Variants in DLG5 observed in about 807,000 individuals in gnomAD.
DLG5 encodes the protein disks large homolog 5.
Under a neutral mutation model 189.8 loss-of-function variants are expected in DLG5, and 48 were observed. The ratio of observed to expected loss-of-function variants is 0.25; its 90% CI spans 0.20 to 0.32. The LOEUF is 0.32. Ranked by LOEUF, DLG5 falls within the 10% of genes least tolerant of loss-of-function variation. The pLI is 1.00. For synonymous variants in DLG5, 1,016 were observed against 1,054.1 expected, an observed-to-expected ratio of 0.96 and a Z score of 0.70; for missense variants, 2,160 against 2,544.7, an observed-to-expected ratio of 0.85 and a Z score of 3.25.
chr10:77,869,321 A>C, intron 1 of DLG5, 124 bp from the exon 2 acceptor site: 3 of 891,062 alleles, frequency 3.4e-6, no homozygotes, highest in Non-Finnish European at 5.3e-6. Context: ...AGAAATCCAC[A>C]TCCACGGGCC....
chr10:77,813,408 T>C (rs1841882705), intron 20 of DLG5, among the ~76,000 whole-genome samples: 1 of 152,044 alleles, frequency 6.6e-6, no homozygotes, highest in Non-Finnish European at 1.5e-5. Context: ...CCCAGCCCTC[T>C]TGGGAAGGGG....
intron 5 of DLG5, among the ~76,000 whole-genome samples, chr10:77,847,886 T>G (rs1370274697): frequency 6.6e-6 from 1 of 152,138 alleles, no homozygotes; most frequent in African/African-American, 2.4e-5. Context: ...TTTTATTTTT[T>G]GTAGAGATGG....
chr10:77,831,637 A>T (rs1204716427), intron 9 of DLG5, among the ~76,000 whole-genome samples: 1 of 152,180 alleles, frequency 6.6e-6, no homozygotes, highest in Non-Finnish European at 1.5e-5. Flanking sequence ...GAACAGAATA[A>T]GGAACCTAGG....
At chr10:77,930,612 G>T (rs1846777891), upstream of DLG5, among the ~76,000 whole-genome samples, 1 of 151,140 alleles carries the variant, frequency 6.6e-6, no homozygotes, top group Non-Finnish European at 1.5e-5. Context: ...GCCTCCCAAA[G>T]TGCTGGGATT....
At chr10:77,915,960 T>G (rs1052538903) in intron 1 of DLG5, among the ~76,000 whole-genome samples, 9 of 152,170 alleles carry the variant, frequency 5.9e-5, no homozygotes, top group Non-Finnish European at 1.2e-4. Context: ...AAGAGTCACA[T>G]GTAGGACAGG....
Position 77,796,001 on chromosome 10 carries a change from G to C in DLG5, c.5436+60C>G, listed in dbSNP as rs1471644184. 1.9e-6 allele frequency: 3 copies of C among 1,611,964 alleles called. No individual in the cohort carries two copies. The East Asian group carries it at 6.7e-5, about 36-fold the overall frequency. On this transcript the variant is annotated intron_variant, in intron 29 of 31. Transcript: ENST00000372391. This position sits in a 1 kb window ranked among gnomAD's most constrained non-coding sequence, Gnocchi z 5.2. ...CAGAGGATCACGGACCAGGGGCCTA[G>C]ACCTGTGCACAGGAGGTCTAATACT...
At chr10:77,887,178 C>T (rs922273066) in intron 1 of DLG5, among the ~76,000 whole-genome samples, 1 of 152,182 alleles carries the variant, frequency 6.6e-6, no homozygotes, top group Non-Finnish European at 1.5e-5. Context: ...CCCCATTTTA[C>T]AGACAAGAAC....
Position 77,821,803 on chromosome 10 carries a change from G to T in DLG5, c.2681C>A (p.Ser894Tyr). The T allele has an allele frequency of 6.2e-7, 1 of 1,612,638 alleles. No homozygotes were observed. Among genetic ancestry groups the T allele is most frequent in the Non-Finnish European group, 8.5e-7 (1 of 1,179,442 alleles). ...CPSASERSLS[S>Y]FRSDASGDRG... ...GTCCCCAGAGGCATCTGAGCGGAAGGAGCTCAGGCTACGCTCAGAGGCACT... is the reference window on the plus strand; with the variant it reads ...GTCCCCAGAGGCATCTGAGCGGAAGTAGCTCAGGCTACGCTCAGAGGCACT... The change falls in exon 15 of 32, where the codon TCC becomes TAC. Residue 894 changes from serine to tyrosine, a missense_variant. By Grantham distance (144) the Ser-to-Tyr change is moderately radical. Around this residue, in one of 5 missense-constraint regions of DLG5, gnomAD observed 754 missense variants for 746.5 expected, o/e 1.01. Transcript: ENST00000372391.
At chr10:77,903,433 A>T (rs975891429) in intron 1 of DLG5, among the ~76,000 whole-genome samples, 4 of 151,594 alleles carry the variant, frequency 2.6e-5, no homozygotes, top group East Asian at 1.9e-4. Flanking sequence ...GTCTCAAAAA[A>T]AAAAATAAAA....
chr10:77,836,369 A>G (rs987266416), intron 7 of DLG5, among the ~76,000 whole-genome samples: 1 of 152,146 alleles, frequency 6.6e-6, no homozygotes, highest in Admixed American at 6.6e-5. Context: ...CAGGGAAATG[A>G]CGGATGACAA....
Position 77,812,285 on chromosome 10 carries a change from T to C in DLG5, c.4118A>G (p.Tyr1373Cys). ...SIVSGEKGGI[Y>C]VSKVTVGSIA... ...GCTCCCCACGGTCACCTTGGAGACGTAGATGCCGCCCTTCTCTCCACTCAC... is the reference window on the plus strand; with the variant it reads ...GCTCCCCACGGTCACCTTGGAGACGCAGATGCCGCCCTTCTCTCCACTCAC... The change falls in exon 21 of 32, where the codon TAC becomes TGC. Residue 1373 changes from tyrosine to cysteine, a missense_variant. Physicochemically the swap from Tyr to Cys is radical, Grantham distance 194. This residue lies in a region of DLG5 where 61 missense variants were observed against 101.0 expected (regional missense o/e 0.60). Transcript: ENST00000372391. The C allele has an allele frequency of 6.2e-7, 1 of 1,614,206 alleles. No homozygotes were observed. The highest frequency in any genetic ancestry group is 8.5e-7 in the Non-Finnish European group (1 of 1,180,030).
At chr10:77,805,050 AC>A in intron 27 of DLG5, among the ~76,000 whole-genome samples, 1 of 151,814 alleles carries the variant, frequency 6.6e-6, no homozygotes, top group Admixed American at 6.6e-5. Context: ...GGCTCACTGC[AC>A]CTCCGCCTCC....
intron 1 of DLG5, among the ~76,000 whole-genome samples, chr10:77,879,960 GA>G (rs1028039175): frequency 1.3e-5 from 2 of 152,084 alleles, no homozygotes; most frequent in Admixed American, 6.5e-5. Context: ...TGTAATCTGA[GA>G]ATTGTCAGCA....
At chr10:77,904,985 CG>C (rs958843479) in intron 1 of DLG5, among the ~76,000 whole-genome samples, 81 of 151,924 alleles carry the variant, frequency 5.3e-4, no homozygotes, top group African/African-American at 1.8e-3. Flanking sequence ...AAAAATTAGC[CG>C]GGTGTGGTGG....
intron 2 of DLG5, chr10:77,868,627 A>T (rs964311266): frequency 1.4e-5 from 3 of 219,584 alleles, no homozygotes; most frequent in Non-Finnish European, 2.7e-5. Flanking sequence ...AAACAGAGGG[A>T]ATGGGTCACA....
upstream of DLG5, among the ~76,000 whole-genome samples, chr10:77,930,283 C>T (rs1285300302): frequency 6.6e-6 from 1 of 151,822 alleles, no homozygotes; most frequent in African/African-American, 2.4e-5. Flanking sequence ...CTGCTCACCG[C>T]TTGGTTGGTG....
chr10:77,846,508 C>T (rs1240341776), intron 5 of DLG5, among the ~76,000 whole-genome samples: 1 of 152,050 alleles, frequency 6.6e-6, no homozygotes, highest in African/African-American at 2.4e-5. Context: ...ACCAGCCTGG[C>T]TAACATGGTG....
intron 25 of DLG5, 82 bp downstream of exon 25, chr10:77,807,714 A>G: frequency 6.7e-7 from 1 of 1,494,996 alleles, no homozygotes; most frequent in Non-Finnish European, 9.1e-7. Flanking sequence ...AGAAACAGAG[A>G]GCCATTCACC....
rs769836330 is a variant in DLG5 at position 77,842,124 on chromosome 10, C to T, written c.1194G>A (p.Glu398=). ...GCTCGGTCAGCTCTGACTGCAGCAG[C>T]TCCATCTCCCACTGCAGGTCCTTGT... ...AQNKDLQWEM[E]LLQSELTELR... is the part of the protein sequence containing the mutation. Residue 398 remains glutamate, a synonymous_variant, in exon 7 of 32, where the codon GAG becomes GAA. Transcript: ENST00000372391. 37 of 1,612,040 alleles carry T rather than the reference C, an allele frequency of 2.3e-5. No individual in the cohort carries two copies. In the South Asian group the frequency reaches 4.1e-4, roughly 18 times the overall value.
Sources: gnomAD v4.1 joint callset for allele counts (sites outside exome capture counted in the v4.1 genomes callset) on GRCh38, gnomAD v4.1.1 for gene constraint, gnomAD v4.1.1 regional missense constraint, Gnocchi (gnomAD v3.1) non-coding constraint, MANE v1.5 for transcripts, NCBI Gene and HGNC (gene_info 2026-07-23, HGNC 2026-07-21) for gene names.